Variants in SLC30A6 observed in about 807,000 individuals in gnomAD.
The protein encoded by SLC30A6 is solute carrier family 30 member 6.
Under a neutral mutation model 63.0 loss-of-function variants are expected in SLC30A6, and 55 were observed. The ratio of observed to expected loss-of-function variants is 0.87; its 90% confidence interval spans 0.70 to 1.09. SLC30A6 has a LOEUF of 1.09. Among genes scored for constraint, SLC30A6 ranks in the 50% least tolerant of loss-of-function variants. The probability of loss-of-function intolerance (pLI) is 0.00; values close to 1 mark genes in which losing one functional copy is unlikely to be tolerated. For missense variants in SLC30A6, 587 were observed against 549.2 expected (o/e 1.07, Z -0.69); for synonymous variants, 224 against 186.1 (o/e 1.20, Z -1.66).
chr2:32,209,558 A>G lies in SLC30A6; in HGVS notation c.882A>G (p.Ser294=). 6.2e-7 allele frequency: 1 copy of G among 1,611,350 alleles called. No individual in the cohort carries two copies. The highest frequency in any genetic ancestry group is 1.1e-5 in the South Asian group (1 of 90,486). The change falls in exon 13 of 14, where the codon TCA becomes TCG. Residue 294 remains serine (S), a synonymous_variant. Transcript: ENST00000282587. ...NEHFWTLGFG[S]LAGSVHVRIR... Reference sequence around the variant, plus strand: ...ATTTTTGGACCCTAGGTTTTGGCTCATTGGTATGTTCTTTTACATATGACT... The same window carrying G: ...ATTTTTGGACCCTAGGTTTTGGCTCGTTGGTATGTTCTTTTACATATGACT...
chr2:32,183,910 T>G (rs527246451), intron 4 of SLC30A6, among the ~76,000 whole-genome samples: 1 of 152,308 alleles, frequency 6.6e-6, no homozygotes, highest in Admixed American at 6.5e-5. Flanking sequence ...GTATCAAAGT[T>G]AAAATTGATC....
At position 32,174,105 on chromosome 2, in the gene SLC30A6, A is replaced by G; in HGVS notation, c.133A>G (p.Thr45Ala). ...CTTTGGTGTAATAAACTTGATATGT[A>G]CTGGCTTCCTGCTTATGTGGTGCAG... is the stretch of plus-strand genomic sequence containing the variant. The part of the protein sequence containing the change: ...LLFGVINLIC[T>A]GFLLMWCSST... Residue 45 changes from threonine (T) to alanine (A), a missense_variant, in exon 3 of 14, where the codon ACT (threonine) becomes GCT (alanine). Thr to Ala is a moderately conservative substitution (Grantham distance 58). Transcript: ENST00000282587. 15 of 1,613,790 alleles carry G rather than the reference A, an allele frequency of 9.3e-6. No individual in the cohort carries two copies. Among genetic ancestry groups the G allele is most frequent in the Non-Finnish European group, 1.3e-5 (15 of 1,179,836 alleles).
chr2:32,195,078 A>G (rs1321904899), intron 8 of SLC30A6, among the ~76,000 whole-genome samples: 1 of 148,072 alleles, frequency 6.8e-6, no homozygotes, highest in Non-Finnish European at 1.5e-5. Flanking sequence ...AGAATTGTAT[A>G]TATTACAGTT....
intron 13 of SLC30A6, among the ~76,000 whole-genome samples, chr2:32,214,829 T>C (rs1450869582): frequency 6.6e-6 from 1 of 152,236 alleles, no homozygotes; most frequent in African/African-American, 2.4e-5. Context: ...GATTTCCATA[T>C]CAGACTGAAA....
intron 1 of SLC30A6, among the ~76,000 whole-genome samples, chr2:32,169,769 G>C (rs1310190669): frequency 6.6e-6 from 1 of 152,220 alleles, no homozygotes; most frequent in African/African-American, 2.4e-5. Context: ...AGCTGGAACT[G>C]AGGTTCAAGA....
At chr2:32,189,905 T>C (rs62134021) in intron 5 of SLC30A6, among the ~76,000 whole-genome samples, 70,823 of 151,790 alleles carry the variant, frequency 0.47, 16,733 homozygotes, top group Admixed American at 0.5. Flanking sequence ...CCAGCTGTTA[T>C]TGTCTTTTTT....
At chr2:32,182,454 C>G (rs1682413366) in intron 4 of SLC30A6, among the ~76,000 whole-genome samples, 1 of 152,144 alleles carries the variant, frequency 6.6e-6, no homozygotes, top group Admixed American at 6.5e-5. Flanking sequence ...AGCCAGGGCT[C>G]TTTTGATTGC....
At chr2:32,177,484 G>C in intron 4 of SLC30A6, 1 of 248,914 alleles carries the variant, frequency 4.0e-6, no homozygotes, top group South Asian at 3.2e-5. Flanking sequence ...TAGAGACGGG[G>C]TTTCACCATT....
Position 32,192,421 on chromosome 2 carries a change from A to T in SLC30A6, c.365+5A>T. Reference sequence around the variant, plus strand: ...TCTCTTTATATTAAAAGAAAGGTACATTTGTATAGGATATTATTCTAAATC... The same window carrying T: ...TCTCTTTATATTAAAAGAAAGGTACTTTTGTATAGGATATTATTCTAAATC... On this transcript the variant is annotated splice_donor_5th_base_variant and intron_variant, in intron 6 of 13. Transcript: ENST00000282587. The T allele has an allele frequency of 6.2e-7, 1 of 1,610,958 alleles. No individual in the cohort carries two copies. Among genetic ancestry groups the T allele is most frequent in the Non-Finnish European group, 8.5e-7 (1 of 1,177,216 alleles).
rs141349026 is a variant in SLC30A6 at position 32,193,486 on chromosome 2, A to G, written c.402-403A>G. On this transcript the variant is annotated intron_variant, in intron 7 of 13. Transcript: ENST00000282587. ...CATATATATATGAAAAGAGAATTGT[A>G]TGTATCATATATATGAAAAAACAAT... is the stretch of plus-strand genomic sequence containing the variant. Among the ~76,000 whole-genome samples the G allele has an allele frequency of 7.0e-4, 107 of 152,318 alleles. 1 individual carries two copies. The East Asian group carries it at 0.01, about 15-fold the overall frequency.
chr2:32,182,668 C>T (rs145279581), intron 4 of SLC30A6, among the ~76,000 whole-genome samples: 28 of 152,276 alleles, frequency 1.8e-4, no homozygotes, highest in African/African-American at 6.7e-4. Flanking sequence ...TCAGCGTTCC[C>T]TACTCGCAAA....
rs747918618 is a variant in SLC30A6, at chr2:32,174,098, G to A, written c.126G>A (p.Leu42=). The A allele has an allele frequency of 6.2e-6, 10 of 1,613,672 alleles. No homozygotes were observed. The Admixed American group carries it at 1.7e-4, about 27-fold the overall frequency. The change falls in exon 3 of 14, where the codon TTG becomes TTA. Residue 42 remains leucine (L), a synonymous_variant. Coordinates refer to ENST00000282587, the MANE Select transcript of SLC30A6 (RefSeq NM_017964.5). ...TACTGCTCTTTGGTGTAATAAACTT[G>A]ATATGTACTGGCTTCCTGCTTATGT... ...WKILLFGVIN[L]ICTGFLLMWC...
chr2:32,196,458 G>C (rs1023005857), intron 8 of SLC30A6, among the ~76,000 whole-genome samples: 4 of 152,060 alleles, frequency 2.6e-5, no homozygotes, highest in Non-Finnish European at 5.9e-5. Context: ...AGGTACCCAG[G>C]TTCTCACCTG....
chr2:32,205,256 TAA>T (rs935896118), intron 11 of SLC30A6, among the ~76,000 whole-genome samples: 4 of 151,854 alleles, frequency 2.6e-5, no homozygotes, highest in Non-Finnish European at 4.4e-5. Context: ...CTGTCTCTAC[TAA>T]AAAAATACAA....
chr2:32,207,990 G>A (rs955406480), intron 12 of SLC30A6, among the ~76,000 whole-genome samples: 1 of 151,676 alleles, frequency 6.6e-6, no homozygotes, highest in Admixed American at 6.6e-5. Flanking sequence ...GAGCCACCAG[G>A]CCCGGCCTAA....
chr2:32,213,090 G>A (rs1052522514), intron 13 of SLC30A6, among the ~76,000 whole-genome samples: 3 of 151,280 alleles, frequency 2.0e-5, no homozygotes, highest in Admixed American at 2.0e-4. Flanking sequence ...AATTTTTTTT[G>A]TAGAGACAGT....
intron 5 of SLC30A6, among the ~76,000 whole-genome samples, chr2:32,187,998 T>C (rs212746): frequency 0.6 from 90,514 of 151,968 alleles, 27,243 homozygotes; most frequent in African/African-American, 0.62. Flanking sequence ...TAAAACCATC[T>C]AGTTGTTTCC....
At chr2:32,185,019 A>G (rs1421901930) in intron 5 of SLC30A6, among the ~76,000 whole-genome samples, 2 of 152,210 alleles carry the variant, frequency 1.3e-5, no homozygotes, top group Non-Finnish European at 2.9e-5. Flanking sequence ...ATGGATTTTC[A>G]TCTGAAACTG....
intron 11 of SLC30A6, 21 bp from the exon 12 acceptor site, chr2:32,206,865 T>G: frequency 6.2e-7 from 1 of 1,603,466 alleles, no homozygotes; most frequent in South Asian, 1.1e-5. Context: ...ATTATTCATA[T>G]TTTATTGTAT....
Sources: allele counts gnomAD v4.1 joint callset (sites outside exome capture counted in the v4.1 genomes callset), GRCh38; gene constraint gnomAD v4.1.1; transcripts MANE v1.5; gene names NCBI Gene and HGNC (gene_info 2026-07-23, HGNC 2026-07-21).